LCN9: variants seen among roughly 807,000 people sequenced by gnomAD.
LCN9 encodes epididymal-specific lipocalin-9.
A neutral mutation model predicts 18.5 loss-of-function variants in LCN9; 22 were observed. The observed-to-expected ratio is 1.19, with a 90% confidence interval of 0.85 to 1.70. The LOEUF is 1.70. Among genes scored for constraint, LCN9 ranks in the 40% most tolerant of loss-of-function variants. LCN9 has a pLI of 0.00. For synonymous variants in LCN9, 89 were observed against 83.0 expected, an observed-to-expected ratio of 1.07 and a Z score of -0.39; for missense variants, 202 against 201.3, an observed-to-expected ratio of 1.00 and a Z score of -0.02.
At position 135,665,465 on chromosome 9, in the gene LCN9, G is replaced by A; in HGVS notation, c.418+110G>A. On this transcript the variant is annotated intron_variant, in intron 4 of 5. Transcript: ENST00000619315. The surrounding 1 kb of genome is among the most constrained non-coding windows in gnomAD (Gnocchi z 5.9). Reference sequence around the variant, plus strand: ...CAGTGGCCCTGGGGTTTGGAGAGGTGGTTCCCGTTGGCTATTCCTTCCCAC... The same window carrying A: ...CAGTGGCCCTGGGGTTTGGAGAGGTAGTTCCCGTTGGCTATTCCTTCCCAC... 2 of 946,538 alleles carry A rather than the reference G, an allele frequency of 2.1e-6. No individual in the cohort carries two copies. The highest frequency in any genetic ancestry group is 2.9e-5 in the South Asian group (2 of 68,936). The allele number at this position is 946,538 out of a possible 1,614,324, so 58.6% of individuals were successfully genotyped here. A position where few individuals can be genotyped will look rare whatever the true frequency, so the allele number is the denominator to read the frequency against.
exon 6 of LCN9, chr9:135,666,123 A>G (rs1051434492): frequency 6.3e-7 from 1 of 1,597,850 alleles, no homozygotes; most frequent in Admixed American, 1.7e-5. Context: ...AGGAAGTGAG[A>G]TGGGGCCCTG....
At chr9:135,663,971 C>A (rs1244162575) in intron 1 of LCN9, among the ~76,000 whole-genome samples, 191 bp from the exon 2 acceptor site, 1 of 103,940 alleles carries the variant, frequency 9.6e-6, no homozygotes, top group Non-Finnish European at 1.9e-5. Flanking sequence ...ATTCTGTGAG[C>A]AGAGGGGCGA....
At chr9:135,666,846 C>T (rs1032223939) in exon 6 of LCN9, among the ~76,000 whole-genome samples, 16 of 151,780 alleles carry the variant, frequency 1.1e-4, no homozygotes, top group South Asian at 2.1e-4. Flanking sequence ...CCTCCTGTCC[C>T]CTCCCTGGGC....
At chr9:135,666,364 G>C (rs990633033) in exon 6 of LCN9, 5 of 537,840 alleles carry the variant, frequency 9.3e-6, no homozygotes, top group Middle Eastern at 1.0e-3. Context: ...CTCCTCTTCT[G>C]TCTCTTCTAA....
chr9:135,665,244 G>A lies in LCN9; in HGVS notation c.308-1G>A. 1.3e-6 allele frequency: 2 copies of A among 1,583,730 alleles called. No individual in the cohort carries two copies. The highest frequency in any genetic ancestry group is 1.7e-6 in the Non-Finnish European group (2 of 1,163,694). ...CCACGCTGAGCCATGTCTCCACGCA[G>A]ATGAGGGCCAGAACACAGTGGCCGT... On this transcript the variant is annotated splice_acceptor_variant, in intron 3 of 5. Coordinates refer to ENST00000619315, the Ensembl canonical transcript of LCN9. LOFTEE classifies it high-confidence loss of function. The surrounding 1 kb of genome is among the most constrained non-coding windows in gnomAD (Gnocchi z 5.9).
At position 135,665,658 on chromosome 9, in the gene LCN9, C is replaced by T; in HGVS notation, c.419-30C>T. 6.3e-7 allele frequency: 1 copy of T among 1,595,864 alleles called. No homozygotes were observed. Among genetic ancestry groups the T allele is most frequent in the Non-Finnish European group, 8.6e-7 (1 of 1,167,490 alleles). ...AACCAACTCTGTTCCCAGCACGGGTCCCATAGCTGGAACCCTCCTTCCTGA... is the reference window on the plus strand; with the variant it reads ...AACCAACTCTGTTCCCAGCACGGGTTCCATAGCTGGAACCCTCCTTCCTGA... On this transcript the variant is annotated intron_variant, in intron 4 of 5. Coordinates refer to ENST00000619315, the Ensembl canonical transcript of LCN9. The surrounding 1 kb of genome is among the most constrained non-coding windows in gnomAD (Gnocchi z 5.9).
At position 135,664,671 on chromosome 9, in the gene LCN9, C is replaced by G. The variant is rs969455277; in HGVS notation, c.234-51C>G. The stretch of plus-strand genomic sequence containing the variant: ...AGGAGGGGTGCTCTCTGCCATCGCA[C>G]GTCCAGGGGGCTGGAGCTCCACTCC... On this transcript the variant is annotated intron_variant, in intron 2 of 5. Transcript: ENST00000619315. The surrounding 1 kb of genome is among the most constrained non-coding windows in gnomAD (Gnocchi z 4.5). 6.7e-7 allele frequency: 1 copy of G among 1,485,886 alleles called. No individual in the cohort carries two copies. Among genetic ancestry groups the G allele is most frequent in the Non-Finnish European group, 9.1e-7 (1 of 1,103,748 alleles). 92.0% of individuals were successfully genotyped at this position (1,485,886 alleles called of 1,614,324 possible).
In LCN9 at chr9:135,665,320, G is replaced by A. The variant is rs1407309249; in HGVS notation, c.383G>A (p.Arg128Lys). ...ATCACCTTCCACCTCCAGAACTTCA[G>A]GAACGGGACCGAGACCCACACGCTG... Residue 128 changes from arginine to lysine, a missense_variant, in exon 4 of 6, where the codon AGG becomes AAG. Transcript: ENST00000619315. This position sits in a 1 kb window ranked among gnomAD's most constrained non-coding sequence, Gnocchi z 5.9. The A allele has an allele frequency of 6.3e-7, 1 of 1,594,342 alleles. No individual in the cohort carries two copies. Among genetic ancestry groups the A allele is most frequent in the Non-Finnish European group, 8.5e-7 (1 of 1,171,326 alleles).
chr9:135,666,312 C>CTGGATGCCTGGA lies in LCN9; in HGVS notation c.*464_*465insATGCCTGGATGG, dbSNP rs1834221562. The CTGGATGCCTGGA allele has an allele frequency of 4.8e-6, 3 of 619,912 alleles. No homozygotes were observed. The Admixed American group carries it at 9.2e-5, about 19-fold the overall frequency. The allele number at this position is 619,912 out of a possible 1,614,324, so 38.4% of individuals were successfully genotyped here. ...CGGCTGCTGGGGGCTCCAGGCATCC[C>CTGGATGCCTGGA]TGGCTTGTGGCTGTCACTCCAGCCT... is the stretch of plus-strand genomic sequence containing the variant. On this transcript the variant is annotated 3_prime_UTR_variant, in exon 6 of 6. Coordinates refer to ENST00000619315, the Ensembl canonical transcript of LCN9.
At position 135,664,579 on chromosome 9, in the gene LCN9, G is replaced by T; in HGVS notation, c.234-143G>T. On this transcript the variant is annotated intron_variant, in intron 2 of 5. Transcript: ENST00000619315. The surrounding 1 kb of genome is among the most constrained non-coding windows in gnomAD (Gnocchi z 4.5). ...AGGGTGTCCGGTGGGCTGCAGCAGG[G>T]CCCAGCCCAAGAACTTGGGGCTGTG... 1 of 812,564 alleles carries T rather than the reference G, an allele frequency of 1.2e-6. No individual in the cohort carries two copies. Among genetic ancestry groups the T allele is most frequent in the Non-Finnish European group, 1.9e-6 (1 of 524,580 alleles). The allele number at this position is 812,564 out of a possible 1,614,324, so 50.3% of individuals were successfully genotyped here.
chr9:135,666,179 C>A (rs1212773873), exon 6 of LCN9: 4 of 1,547,352 alleles, frequency 2.6e-6, no homozygotes, highest in Non-Finnish European at 3.5e-6. Context: ...GTGACTAGGA[C>A]AACCAGGATT....
rs754760337 is a variant in LCN9 at position 135,665,704 on chromosome 9, GA to G, written c.439del (p.Ser147ValfsTer32). The stretch of plus-strand genomic sequence containing the variant: ...CCTGAGCAGATTTGAAGAAACCTGC[GA>G]AAAGTACGGACTTGGCTCACAAAAT... On this transcript the variant is annotated frameshift_variant, in exon 5 of 6. Transcript: ENST00000619315. LOFTEE classifies it high-confidence loss of function. The surrounding 1 kb of genome is among the most constrained non-coding windows in gnomAD (Gnocchi z 5.9). 39 of 1,613,120 alleles carry G rather than the reference GA, an allele frequency of 2.4e-5. No individual in the cohort carries two copies. The Admixed American group carries it at 5.8e-4, about 24-fold the overall frequency.
chr9:135,663,892 ATC>A (rs1834165696), intron 1 of LCN9, among the ~76,000 whole-genome samples: 2 of 111,886 alleles, frequency 1.8e-5, no homozygotes, highest in East Asian at 2.8e-4. Context: ...GGACCTTGGG[ATC>A]AAAGGGGGGA....
In LCN9 at chr9:135,664,931, C is replaced by T; in HGVS notation, c.307+136C>T. On this transcript the variant is annotated intron_variant, in intron 3 of 5. Transcript: ENST00000619315. The surrounding 1 kb of genome is among the most constrained non-coding windows in gnomAD (Gnocchi z 4.5). ...ACAGCTTGACCCTGAACTGGAGGGACCCATCCTGGCACCTACCCAGGGGGG... is the reference window on the plus strand; with the variant it reads ...ACAGCTTGACCCTGAACTGGAGGGATCCATCCTGGCACCTACCCAGGGGGG... 1 of 936,226 alleles carries T rather than the reference C, an allele frequency of 1.1e-6. No homozygotes were observed. The allele number at this position is 936,226 out of a possible 1,614,324, so 58.0% of individuals were successfully genotyped here. A position where few individuals can be genotyped will look rare whatever the true frequency, so the allele number is the denominator to read the frequency against.
Position 135,665,364 on chromosome 9 carries a change from G to T in LCN9, c.418+9G>T. ...CACGCTGGCGCTCTATGGTACCTCC[G>T]CTGTCCCCCTCTGACCCCCTCGGGG... On this transcript the variant is annotated intron_variant, in intron 4 of 5. Transcript: ENST00000619315. The surrounding 1 kb of genome is among the most constrained non-coding windows in gnomAD (Gnocchi z 5.9). 1.3e-6 allele frequency: 2 copies of T among 1,580,684 alleles called. No individual in the cohort carries two copies. The highest frequency in any genetic ancestry group is 1.7e-6 in the Non-Finnish European group (2 of 1,162,666).
In LCN9 at chr9:135,665,244, G is replaced by C. The variant is rs1488998558; in HGVS notation, c.308-1G>C. 1 of 1,583,730 alleles carries C rather than the reference G, an allele frequency of 6.3e-7. No individual in the cohort carries two copies. On this transcript the variant is annotated splice_acceptor_variant, in intron 3 of 5. Transcript: ENST00000619315. LOFTEE classifies it high-confidence loss of function. This position sits in a 1 kb window ranked among gnomAD's most constrained non-coding sequence, Gnocchi z 5.9. ...CCACGCTGAGCCATGTCTCCACGCAGATGAGGGCCAGAACACAGTGGCCGT... is the reference window on the plus strand; with the variant it reads ...CCACGCTGAGCCATGTCTCCACGCACATGAGGGCCAGAACACAGTGGCCGT...
At chr9:135,666,181 A>G in exon 6 of LCN9, 1 of 1,544,332 alleles carries the variant, frequency 6.5e-7, no homozygotes, top group Non-Finnish European at 8.7e-7. Context: ...GACTAGGACA[A>G]CCAGGATTTA....
At position 135,665,617 on chromosome 9, in the gene LCN9, G is replaced by A; in HGVS notation, c.419-71G>A. On this transcript the variant is annotated intron_variant, in intron 4 of 5. Transcript: ENST00000619315. The surrounding 1 kb of genome is among the most constrained non-coding windows in gnomAD (Gnocchi z 5.9). The stretch of plus-strand genomic sequence containing the variant: ...GCACTTCCTGAGCACCCCCAGCAAG[G>A]CCCAGCTTCACACAGAACCAACTCT... 2 of 1,477,384 alleles carry A rather than the reference G, an allele frequency of 1.4e-6. No individual in the cohort carries two copies. Among genetic ancestry groups the A allele is most frequent in the Non-Finnish European group, 1.9e-6 (2 of 1,075,652 alleles). 91.5% of individuals were successfully genotyped at this position (1,477,384 alleles called of 1,614,324 possible). A position where few individuals can be genotyped will look rare whatever the true frequency, so the allele number is the denominator to read the frequency against.
In LCN9 at chr9:135,665,554, C is replaced by T; in HGVS notation, c.419-134C>T. On this transcript the variant is annotated intron_variant, in intron 4 of 5. Transcript: ENST00000619315. The surrounding 1 kb of genome is among the most constrained non-coding windows in gnomAD (Gnocchi z 5.9). ...CCTCCCATCTCACTTGGCACAAAGC[C>T]CCTCTCTGGTCAGGGCGTGACCCCC... The T allele has an allele frequency of 2.2e-6, 2 of 912,842 alleles. No homozygotes were observed. The highest frequency in any genetic ancestry group is 3.4e-6 in the Non-Finnish European group (2 of 588,518). The allele number at this position is 912,842 out of a possible 1,614,324, so 56.5% of individuals were successfully genotyped here.
Sources: gnomAD v4.1 joint callset for allele counts (sites outside exome capture counted in the v4.1 genomes callset) on GRCh38, gnomAD v4.1.1 for gene constraint, Gnocchi (gnomAD v3.1) non-coding constraint, MANE v1.5 for transcripts, NCBI Gene and HGNC (gene_info 2026-07-23, HGNC 2026-07-21) for gene names.